IFFO2: variants seen among roughly 807,000 people sequenced by gnomAD.
The protein encoded by IFFO2 is intermediate filament family orphan 2.
IFFO2 carries 19 observed loss-of-function variants against 53.5 expected under a neutral mutation model. The observed-to-expected ratio is 0.36, with a 90% CI of 0.25 to 0.52. The LOEUF (loss-of-function observed/expected upper bound fraction) is 0.52. Ranked by LOEUF, IFFO2 falls within the 20% of genes least tolerant of loss-of-function variation. The probability of loss-of-function intolerance (pLI) is 0.94; values close to 1 mark genes in which losing one functional copy is unlikely to be tolerated. For synonymous variants in IFFO2, 303 were observed against 313.6 expected, an observed-to-expected ratio of 0.97 and a Z score of 0.36; for missense variants, 570 against 727.4, an observed-to-expected ratio of 0.78 and a Z score of 2.49.
chr1:18,924,029 G>A (rs546818725), intron 1 of IFFO2, among the ~76,000 whole-genome samples: 2 of 152,324 alleles, frequency 1.3e-5, no homozygotes, highest in Admixed American at 6.5e-5. Context: ...GGAGGCAGCC[G>A]GCTGGCCTGC....
At chr1:18,933,520 A>G (rs906705219) in intron 1 of IFFO2, among the ~76,000 whole-genome samples, 1 of 152,212 alleles carries the variant, frequency 6.6e-6, no homozygotes, top group African/African-American at 2.4e-5. Context: ...CACGCCTGTA[A>G]TCCCAGCACT....
chr1:18,945,496 A>G (rs1296720107), intron 1 of IFFO2, among the ~76,000 whole-genome samples: 1 of 152,250 alleles, frequency 6.6e-6, no homozygotes, highest in Non-Finnish European at 1.5e-5. Flanking sequence ...CAGTGAGCCA[A>G]GAACCGTCTT....
At chr1:18,931,043 G>A (rs1490865156) in intron 1 of IFFO2, among the ~76,000 whole-genome samples, 2 of 152,068 alleles carry the variant, frequency 1.3e-5, no homozygotes, top group African/African-American at 2.4e-5. Context: ...ATGGTGGCAC[G>A]CACCTGTAGT....
In IFFO2 at chr1:18,919,781, G is replaced by A; in HGVS notation, c.727-8C>T. On this transcript the variant is annotated splice_polypyrimidine_tract_variant and splice_region_variant and intron_variant, in intron 2 of 8. Transcript: ENST00000455833. The surrounding 1 kb of genome is among the most constrained non-coding windows in gnomAD (Gnocchi z 4.9). ...ATCAGCCTCCTGTGCTGCCTGCGGGGACGGAGATGGGGAGGCTTCAGAGGG... is the reference window on the plus strand; with the variant it reads ...ATCAGCCTCCTGTGCTGCCTGCGGGAACGGAGATGGGGAGGCTTCAGAGGG... 6.5e-7 allele frequency: 1 copy of A among 1,545,578 alleles called. No individual in the cohort carries two copies. The highest frequency in any genetic ancestry group is 8.8e-7 in the Non-Finnish European group (1 of 1,141,738).
chr1:18,935,369 C>T (rs1936434581), intron 1 of IFFO2, among the ~76,000 whole-genome samples: 1 of 152,142 alleles, frequency 6.6e-6, no homozygotes, highest in South Asian at 2.1e-4. Flanking sequence ...AGGCCACGTG[C>T]TAGGGTAGAG....
At chr1:18,921,334 G>A (rs1039040777) in intron 1 of IFFO2, among the ~76,000 whole-genome samples, 1 of 152,224 alleles carries the variant, frequency 6.6e-6, no homozygotes, top group Non-Finnish European at 1.5e-5. Context: ...AGAGTATCAG[G>A]TGGTGGTGAC....
intron 1 of IFFO2, among the ~76,000 whole-genome samples, chr1:18,942,407 G>A (rs1275938853): frequency 6.6e-6 from 1 of 152,170 alleles, no homozygotes; most frequent in African/African-American, 2.4e-5. Context: ...GCTGGTGGGA[G>A]CCAGGCCAGG....
intron 5 of IFFO2, among the ~76,000 whole-genome samples, chr1:18,914,674 T>A (rs1569834331): frequency 2.0e-5 from 3 of 150,284 alleles, no homozygotes; most frequent in Admixed American, 2.0e-4. Flanking sequence ...CAAAAAAAAA[T>A]TAGCTGGGTG....
At chr1:18,937,593 AGG>A in intron 1 of IFFO2, among the ~76,000 whole-genome samples, 1 of 152,334 alleles carries the variant, frequency 6.6e-6, no homozygotes, top group East Asian at 1.9e-4. Flanking sequence ...AAAGCCTCCC[AGG>A]GACCCTTCCA....
chr1:18,914,740 T>C (rs7530141), intron 5 of IFFO2, among the ~76,000 whole-genome samples: 42,334 of 150,444 alleles, frequency 0.28, 6,965 homozygotes, highest in East Asian at 0.51. Context: ...GGAGAATTGC[T>C]TGAACCCAGG....
chr1:18,952,575 A>C (rs558236211), intron 1 of IFFO2, among the ~76,000 whole-genome samples: 1 of 152,392 alleles, frequency 6.6e-6, no homozygotes, highest in Non-Finnish European at 1.5e-5. Context: ...ACTTCAAAAA[A>C]AATTCTCTAA....
chr1:18,927,535 C>T (rs574237718), intron 1 of IFFO2, among the ~76,000 whole-genome samples: 2 of 152,222 alleles, frequency 1.3e-5, no homozygotes, highest in South Asian at 2.1e-4. Flanking sequence ...TGTGCTGGAG[C>T]CCGGCTGCTC....
chr1:18,938,419 C>T (rs988150430), intron 1 of IFFO2, among the ~76,000 whole-genome samples: 4 of 152,202 alleles, frequency 2.6e-5, no homozygotes, highest in African/African-American at 7.2e-5. Context: ...ACCATGCTTC[C>T]CCTTAGAGGC....
intron 1 of IFFO2, among the ~76,000 whole-genome samples, chr1:18,927,929 A>G (rs1936325457): frequency 6.6e-6 from 1 of 152,142 alleles, no homozygotes; most frequent in Non-Finnish European, 1.5e-5. Flanking sequence ...AATACCACAG[A>G]CAATTCATAT....
intron 6 of IFFO2, 50 bp downstream of exon 6, chr1:18,911,913 T>C (rs993631162): frequency 2.3e-5 from 36 of 1,544,928 alleles, no homozygotes; most frequent in Non-Finnish European, 3.2e-5. Context: ...AAAGGCGGTG[T>C]CCCCCAGACC....
intron 1 of IFFO2, 92 bp from the exon 2 acceptor site, chr1:18,921,213 A>G: frequency 8.9e-7 from 1 of 1,129,606 alleles, no homozygotes; most frequent in Non-Finnish European, 1.3e-6. Context: ...CCCAGGGACT[A>G]TCTTGAGCTG....
chr1:18,949,827 G>A (rs1217125565), intron 1 of IFFO2, among the ~76,000 whole-genome samples: 3 of 152,356 alleles, frequency 2.0e-5, no homozygotes, highest in Admixed American at 6.5e-5. Context: ...GTGCATACAC[G>A]TGGGGGGAAG....
At chr1:18,924,349 G>GCTTCCCAAGCACAACCCTCCCT (rs888368114) in intron 1 of IFFO2, among the ~76,000 whole-genome samples, 2 of 147,878 alleles carry the variant, frequency 1.4e-5, no homozygotes, top group African/African-American at 4.9e-5. Context: ...TTCAACACCA[G>GCTTCCCAAGCACAACCCTCCCT]CTTCCCAAGC....
intron 1 of IFFO2, among the ~76,000 whole-genome samples, chr1:18,949,859 C>T (rs1000931970): frequency 3.3e-5 from 5 of 152,218 alleles, no homozygotes; most frequent in Non-Finnish European, 7.3e-5. Flanking sequence ...GACCCGCATC[C>T]GGTCTCGTTT....
Sources: gnomAD v4.1 joint callset for allele counts (sites outside exome capture counted in the v4.1 genomes callset) on GRCh38, gnomAD v4.1.1 for gene constraint, Gnocchi (gnomAD v3.1) non-coding constraint, MANE v1.5 for transcripts, NCBI Gene and HGNC (gene_info 2026-07-23, HGNC 2026-07-21) for gene names.